Variants in ARHGAP24 observed in about 807,000 individuals in gnomAD.
ARHGAP24 encodes rho GTPase-activating protein 24.
In ARHGAP24, 50 loss-of-function variants were observed where a neutral mutation model predicts 76.4. That is an observed-to-expected ratio of 0.65 (90% CI 0.52 to 0.83). The LOEUF (loss-of-function observed/expected upper bound fraction) is 0.83. Ranked by LOEUF, ARHGAP24 falls within the 40% of genes least tolerant of loss-of-function variation. ARHGAP24 has a pLI of 0.00. For synonymous variants in ARHGAP24, 345 were observed against 323.3 expected, an observed-to-expected ratio of 1.07 and a Z score of -0.72; for missense variants, 930 against 914.2, an observed-to-expected ratio of 1.02 and a Z score of -0.22.
intron 3 of ARHGAP24, among the ~76,000 whole-genome samples, chr4:85,756,188 TTTGA>T (rs1726487623): frequency 2.8e-5 from 2 of 71,764 alleles, no homozygotes; most frequent in Admixed American, 1.9e-4. Flanking sequence ...TTCATGCCCA[TTTGA>T]TTGTTTCTTA....
At chr4:85,907,766 C>T (rs937422672) in intron 3 of ARHGAP24, among the ~76,000 whole-genome samples, 1 of 152,096 alleles carries the variant, frequency 6.6e-6, no homozygotes, top group African/African-American at 2.4e-5. Flanking sequence ...ATCCATGGCT[C>T]TTAATTAGTT....
intron 1 of ARHGAP24, among the ~76,000 whole-genome samples, chr4:85,555,592 G>A (rs1202917076): frequency 6.6e-6 from 1 of 152,164 alleles, no homozygotes; most frequent in Non-Finnish European, 1.5e-5. Context: ...CTCAAGTCCT[G>A]GCTATAGCTC....
intron 1 of ARHGAP24, among the ~76,000 whole-genome samples, chr4:85,535,412 C>T (rs576519805): frequency 6.6e-5 from 10 of 152,238 alleles, no homozygotes; most frequent in African/African-American, 2.2e-4. Flanking sequence ...TAGAAGTTGG[C>T]ACTTACAATG....
At chr4:85,510,821 CCTT>C (rs1724252689) in intron 1 of ARHGAP24, among the ~76,000 whole-genome samples, 1 of 5,114 alleles carries the variant, frequency 2.0e-4, no homozygotes, top group Admixed American at 3.7e-3. Context: ...TCCTCCTCCT[CCTT>C]CTCTCTCGCT....
chr4:85,666,344 C>T (rs576938626), intron 2 of ARHGAP24, among the ~76,000 whole-genome samples: 54 of 151,160 alleles, frequency 3.6e-4, no homozygotes, highest in African/African-American at 1.2e-3. Context: ...ACGTAGTTCT[C>T]AAGCTCCTGT....
At chr4:85,595,083 G>A (rs1371833447) in intron 2 of ARHGAP24, among the ~76,000 whole-genome samples, 9 of 151,846 alleles carry the variant, frequency 5.9e-5, no homozygotes, top group Admixed American at 5.9e-4. Flanking sequence ...CCCAGGCTTG[G>A]ATAAATAATG....
chr4:85,940,450 C>A (rs1736892503), intron 4 of ARHGAP24, among the ~76,000 whole-genome samples: 1 of 152,040 alleles, frequency 6.6e-6, no homozygotes, highest in Non-Finnish European at 1.5e-5. Flanking sequence ...AAAAGCAAGT[C>A]TTCCTAAAGG....
intron 3 of ARHGAP24, among the ~76,000 whole-genome samples, chr4:85,876,435 G>A (rs1479990074): frequency 6.6e-6 from 1 of 152,118 alleles, no homozygotes; most frequent in Non-Finnish European, 1.5e-5. Context: ...TACCGAGCCA[G>A]CTGCCCATAA....
At chr4:85,516,571 C>T (rs1724511169) in intron 1 of ARHGAP24, among the ~76,000 whole-genome samples, 1 of 151,288 alleles carries the variant, frequency 6.6e-6, no homozygotes, top group Non-Finnish European at 1.5e-5. Flanking sequence ...TGTTTAAGGG[C>T]CAAGAAATTT....
Position 85,875,559 on chromosome 4 carries a change from T to TA in ARHGAP24, c.269-48089_269-48088insA, listed in dbSNP as rs1732866057. Among the ~76,000 whole-genome samples, 2 of 68,128 alleles carry TA rather than the reference T, an allele frequency of 2.9e-5. 1 individual carries two copies. Among genetic ancestry groups the TA allele is most frequent in the East Asian group, 3.2e-3 (2 of 620 alleles). The allele number at this position is 68,128 out of a possible 152,430, so 44.7% of individuals were successfully genotyped here. On this transcript the variant is annotated intron_variant, in intron 3 of 9. Transcript: ENST00000395184. ...ATATTATTTATATTTTATATTATAT[T>TA]TTTATATTATATAATATATAATATA... is the stretch of plus-strand genomic sequence containing the variant.
chr4:85,852,889 C>T (rs956950699), intron 3 of ARHGAP24, among the ~76,000 whole-genome samples: 3 of 152,210 alleles, frequency 2.0e-5, no homozygotes, highest in Non-Finnish European at 2.9e-5. Context: ...GTCAGTCAGC[C>T]CCCACTGGGA....
chr4:86,001,158 G>A lies in ARHGAP24; in HGVS notation c.*436G>A. 2.6e-6 allele frequency: 1 copy of A among 391,060 alleles called. No individual in the cohort carries two copies. Among genetic ancestry groups the A allele is most frequent in the South Asian group, 1.3e-4 (1 of 7,594 alleles). The allele number at this position is 391,060 out of a possible 1,614,324, so 24.2% of individuals were successfully genotyped here. On this transcript the variant is annotated 3_prime_UTR_variant, in exon 10 of 10. Transcript: ENST00000395184. ...ATTTTTATTTCCCTTTTTTGCTGAG[G>A]AAATGAAGATAAGCAAAAATATAAA...
chr4:85,627,187 TC>T (rs1205090460), intron 2 of ARHGAP24, among the ~76,000 whole-genome samples: 1 of 152,322 alleles, frequency 6.6e-6, no homozygotes, highest in East Asian at 1.9e-4. Context: ...CTCTGTTTTT[TC>T]CCCATCTTTG....
chr4:85,508,999 C>T (rs1285151475), intron 1 of ARHGAP24, among the ~76,000 whole-genome samples: 1 of 152,066 alleles, frequency 6.6e-6, no homozygotes, highest in East Asian at 1.9e-4. Context: ...TCTGCATAAA[C>T]TATCACTGCA....
At chr4:85,631,542 C>G (rs1391246058) in intron 2 of ARHGAP24, among the ~76,000 whole-genome samples, 1 of 152,088 alleles carries the variant, frequency 6.6e-6, no homozygotes, top group East Asian at 1.9e-4. Flanking sequence ...ATTTTATTAG[C>G]ATTTTCAGAA....
intron 3 of ARHGAP24, among the ~76,000 whole-genome samples, chr4:85,844,720 A>C (rs1730780224): frequency 6.6e-6 from 1 of 152,220 alleles, no homozygotes; most frequent in South Asian, 2.1e-4. Flanking sequence ...TTGGTGATCA[A>C]AGTCAAGCAA....
intron 2 of ARHGAP24, among the ~76,000 whole-genome samples, chr4:85,603,156 T>G (rs1181198381): frequency 6.6e-6 from 1 of 152,222 alleles, no homozygotes; most frequent in Non-Finnish European, 1.5e-5. Flanking sequence ...AGGTTAGATT[T>G]TTACATAATT....
chr4:85,642,328 A>G (rs1443578655), intron 2 of ARHGAP24, among the ~76,000 whole-genome samples: 1 of 152,140 alleles, frequency 6.6e-6, no homozygotes, highest in Non-Finnish European at 1.5e-5. Context: ...ATAAATATAT[A>G]TATTATAATC....
At position 85,488,269 on chromosome 4, in the gene ARHGAP24, G is replaced by A. The variant is rs1723223892; in HGVS notation, c.-21+12710G>A. ...TCTTAACACCTCCTGTGGAGAGGGG[G>A]AAAAGGGAGGTGTAATTTAAATGTA... On this transcript the variant is annotated intron_variant, in intron 1 of 9. Transcript: ENST00000395184. Among the ~76,000 whole-genome samples the A allele has an allele frequency of 2.6e-5, 4 of 152,110 alleles. No homozygotes were observed. The South Asian group carries it at 8.3e-4, about 32-fold the overall frequency.
Sources: allele counts gnomAD v4.1 joint callset (sites outside exome capture counted in the v4.1 genomes callset), GRCh38; gene constraint gnomAD v4.1.1; transcripts MANE v1.5; gene names NCBI Gene and HGNC (gene_info 2026-07-23, HGNC 2026-07-21).